The following USP34 variants were observed in gnomAD, a reference collection of about 807,000 sequenced individuals.
USP34 encodes ubiquitin specific peptidase 34.
Under a neutral mutation model 460.3 loss-of-function variants are expected in USP34, and 70 were observed. The observed-to-expected ratio is 0.15, with a 90% CI of 0.13 to 0.19. USP34 has a LOEUF of 0.19. USP34 is among the 10% of genes least tolerant of loss of function. The pLI, the probability that USP34 is intolerant of heterozygous loss-of-function variation, is 1.00. For missense variants in USP34, 3,985 were observed against 4,236.2 expected (o/e 0.94, Z 1.65); for synonymous variants, 1,647 against 1,405.3 (o/e 1.17, Z -3.85).
intron 18 of USP34, 60 bp downstream of exon 18, chr2:61,339,291 T>C (rs1691517412): frequency 1.3e-6 from 2 of 1,528,228 alleles, no homozygotes; most frequent in East Asian, 2.3e-5. Flanking sequence ...TCAACAAGAA[T>C]GTCCCCCCAC....
At chr2:61,232,400 T>C in intron 58 of USP34, 52 bp downstream of exon 58, 1 of 1,412,808 alleles carries the variant, frequency 7.1e-7, no homozygotes, top group Non-Finnish European at 9.9e-7. Flanking sequence ...AATAATTAAA[T>C]TGAAAGTAAC....
At chr2:61,214,737 A>G (rs372453904) in intron 67 of USP34, 43 bp from the exon 68 acceptor site, 3 of 1,596,652 alleles carry the variant, frequency 1.9e-6, no homozygotes, top group Non-Finnish European at 2.6e-6. Context: ...TGTAAGATAT[A>G]AAATAGACTG....
chr2:61,466,670 G>A (rs1326637264), intron 1 of USP34, among the ~76,000 whole-genome samples: 1 of 152,096 alleles, frequency 6.6e-6, no homozygotes, highest in Non-Finnish European at 1.5e-5. Flanking sequence ...GCAGCACTTT[G>A]GGAGGTACAG....
rs1689765323 is a variant in USP34 at position 61,288,774 on chromosome 2, C to G, written c.4652G>C (p.Gly1551Ala). Reference protein sequence around the residue: ...LAYHDVFAWSGIAESHRKRTW... With the variant: ...LAYHDVFAWSAIAESHRKRTW... ...TCTTTTCCTATGGCTTTCCGCTATA[C>G]CAGACCAGGCAAAGACATCATGATA... The change falls in exon 34 of 80, where the codon GGT becomes GCT. Residue 1551 changes from glycine to alanine, a missense_variant. This residue lies in a region of USP34 where 1,114 missense variants were observed against 1,122.5 expected (regional missense o/e 0.99). Coordinates refer to ENST00000398571, the MANE Select transcript of USP34 (RefSeq NM_014709.4). The G allele has an allele frequency of 6.2e-7, 1 of 1,613,878 alleles. No homozygotes were observed. Among genetic ancestry groups the G allele is most frequent in the African/African-American group, 1.3e-5 (1 of 74,904 alleles).
intron 43 of USP34, among the ~76,000 whole-genome samples, chr2:61,263,418 T>C (rs1688954901): frequency 6.6e-6 from 1 of 151,836 alleles, no homozygotes; most frequent in East Asian, 1.9e-4. Context: ...TGACCTCAGG[T>C]GATCCGCCCG....
intron 48 of USP34, among the ~76,000 whole-genome samples, chr2:61,249,301 C>T (rs949269363): frequency 2.6e-5 from 4 of 152,116 alleles, no homozygotes; most frequent in Non-Finnish European, 5.9e-5. Flanking sequence ...CAGTACAATA[C>T]TGCGAAGGTA....
chr2:61,395,756 C>T (rs1418032372), intron 3 of USP34, among the ~76,000 whole-genome samples: 3 of 134,862 alleles, frequency 2.2e-5, no homozygotes, highest in Non-Finnish European at 4.6e-5. Context: ...ACAGCACTCC[C>T]GCCTGGGCGA....
intron 48 of USP34, among the ~76,000 whole-genome samples, chr2:61,251,603 C>T (rs1688583908): frequency 6.6e-6 from 1 of 152,198 alleles, no homozygotes. Context: ...GTCAGCTGCT[C>T]AGTATCTTTT....
chr2:61,206,664 A>G, intron 71 of USP34, 96 bp downstream of exon 71: 1 of 1,462,210 alleles, frequency 6.8e-7, no homozygotes, highest in Non-Finnish European at 9.2e-7. Context: ...TGCATAAACT[A>G]GGATAAAAAC....
At chr2:61,244,098 A>C (rs1053252303) in intron 51 of USP34, among the ~76,000 whole-genome samples, 8 of 152,218 alleles carry the variant, frequency 5.3e-5, no homozygotes, top group African/African-American at 1.9e-4. Context: ...CTTTCGGCTA[A>C]GATCAACTAT....
intron 1 of USP34, among the ~76,000 whole-genome samples, chr2:61,427,754 G>A (rs898924717): frequency 3.3e-5 from 5 of 152,190 alleles, no homozygotes; most frequent in Non-Finnish European, 5.9e-5. Context: ...GAATTAGTGA[G>A]TTCAAACACA....
intron 27 of USP34, among the ~76,000 whole-genome samples, chr2:61,310,663 A>C (rs1013201994): frequency 6.6e-6 from 1 of 150,624 alleles, no homozygotes; most frequent in African/African-American, 2.4e-5. Context: ...AGAAATATAT[A>C]TATACACATA....
intron 43 of USP34, 169 bp downstream of exon 43, chr2:61,265,225 TCTA>T: frequency 1.5e-6 from 1 of 689,000 alleles, no homozygotes; most frequent in Non-Finnish European, 2.4e-6. Flanking sequence ...TTATGAGTAA[TCTA>T]CTAAAATGTA....
intron 18 of USP34, 48 bp from the exon 19 acceptor site, chr2:61,334,019 T>G: frequency 1.5e-6 from 2 of 1,379,306 alleles, no homozygotes; most frequent in Non-Finnish European, 2.0e-6. Context: ...ATTCTTTTTA[T>G]AGAAATTCAG....
At chr2:61,286,842 G>T (rs369088548) in intron 34 of USP34, among the ~76,000 whole-genome samples, 26 of 151,926 alleles carry the variant, frequency 1.7e-4, no homozygotes, top group South Asian at 4.2e-4. Context: ...CTCCATAAAC[G>T]TGCGTATTTT....
In USP34 at chr2:61,283,016, G is replaced by A. The variant is rs898979478; in HGVS notation, c.4998+129C>T. 3.2e-5 allele frequency: 29 copies of A among 911,214 alleles called. No homozygotes were observed. In the East Asian group the frequency reaches 7.6e-4, roughly 24 times the overall value. The allele number at this position is 911,214 out of a possible 1,614,324, so 56.4% of individuals were successfully genotyped here. A position where few individuals can be genotyped will look rare whatever the true frequency, so the allele number is the denominator to read the frequency against. On this transcript the variant is annotated intron_variant, in intron 37 of 79. Coordinates refer to ENST00000398571, the MANE Select transcript of USP34 (RefSeq NM_014709.4). ...GTTCAAAACACTCTAGACCTTAAAG[G>A]ATTAAGCAGATAATGTGATATATTT...
chr2:61,211,688 G>A, intron 69 of USP34, 84 bp downstream of exon 69: 1 of 1,358,896 alleles, frequency 7.4e-7, no homozygotes, highest in Non-Finnish European at 9.6e-7. Context: ...CTTCCCCAAT[G>A]TAAATGATTT....
chr2:61,192,213 T>C (rs1686665654), intron 76 of USP34, among the ~76,000 whole-genome samples: 1 of 152,216 alleles, frequency 6.6e-6, no homozygotes, highest in Non-Finnish European at 1.5e-5. Flanking sequence ...GTAGAGCAGA[T>C]GCAACCAGGC....
chr2:61,241,215 TG>T (rs1688247483), intron 53 of USP34, among the ~76,000 whole-genome samples: 1 of 152,076 alleles, frequency 6.6e-6, no homozygotes, highest in African/African-American at 2.4e-5. Flanking sequence ...GGCTACTTTT[TG>T]TATTTTTTAG....
Sources: allele counts gnomAD v4.1 joint callset (sites outside exome capture counted in the v4.1 genomes callset), GRCh38; gene constraint gnomAD v4.1.1; regional missense constraint gnomAD v4.1.1; transcripts MANE v1.5; gene names NCBI Gene and HGNC (gene_info 2026-07-23, HGNC 2026-07-21).